Variants in KAT6A observed in about 807,000 individuals in gnomAD.
KAT6A encodes the protein lysine acetyltransferase 6A.
Under a neutral mutation model 198.4 loss-of-function variants are expected in KAT6A, and 9 were observed. The ratio of observed to expected loss-of-function variants is 0.05; its 90% confidence interval spans 0.03 to 0.08. KAT6A has a LOEUF of 0.08. Ranked by LOEUF, KAT6A falls within the 10% of genes least tolerant of loss-of-function variation. KAT6A has a pLI of 1.00. For missense variants in KAT6A, 2,077 were observed against 2,509.9 expected (o/e 0.83, Z 3.69); for synonymous variants, 890 against 883.0 (o/e 1.01, Z -0.14).
intron 2 of KAT6A, among the ~76,000 whole-genome samples, chr8:42,035,818 T>C (rs1564080248): frequency 1.3e-5 from 2 of 152,302 alleles, no homozygotes; most frequent in South Asian, 2.1e-4. Flanking sequence ...AGACAGGGTA[T>C]ACATAGAAAG....
At position 41,948,901 on chromosome 8, in the gene KAT6A, A is replaced by ACATCATCAT. The variant is rs34721456; in HGVS notation, c.1740+312_1740+320dup. On this transcript the variant is annotated intron_variant, in intron 10 of 16. Coordinates refer to ENST00000265713, the MANE Select transcript of KAT6A (RefSeq NM_006766.5). Reference sequence around the variant, plus strand: ...TAGAGAATCACAGAGCAGAGGTCACACATCATCATCATCATCATCATCATC... The same window carrying ACATCATCAT: ...TAGAGAATCACAGAGCAGAGGTCACACATCATCATCATCATCATCATCATCATCATCATC... 0.047 allele frequency among the ~76,000 whole-genome samples: 7,059 copies of ACATCATCAT among 151,152 alleles called. 216 individuals are homozygous for ACATCATCAT. Among genetic ancestry groups the ACATCATCAT allele is most frequent in the East Asian group, 0.12 (641 of 5,138 alleles).
chr8:41,941,545 T>C, intron 14 of KAT6A, 101 bp from the exon 15 acceptor site: 1 of 1,252,336 alleles, frequency 8.0e-7, no homozygotes, highest in South Asian at 1.6e-5. Context: ...AAAAGGAAAC[T>C]GAGCTTTAAA....
At position 42,048,864 on chromosome 8, in the gene KAT6A, T is replaced by A; in HGVS notation, c.114A>T (p.Ser38=). The A allele has an allele frequency of 6.2e-7, 1 of 1,614,250 alleles. No individual in the cohort carries two copies. The highest frequency in any genetic ancestry group is 8.5e-7 in the Non-Finnish European group (1 of 1,180,048). Residue 38 remains serine (S), a synonymous_variant, in exon 2 of 17, where the codon TCA becomes TCT. Coordinates refer to ENST00000265713, the MANE Select transcript of KAT6A (RefSeq NM_006766.5). ...CAGTTTTACGATCCAAGCCATGGGA[T>A]GAAGACACAGCATTGCATATCCTTT... is the stretch of plus-strand genomic sequence containing the variant. ...SEERICNAVS[S]SHGLDRKTVL... is the part of the protein sequence containing the mutation.
intron 2 of KAT6A, among the ~76,000 whole-genome samples, chr8:42,047,592 G>T (rs1313020037): frequency 1.3e-5 from 2 of 151,952 alleles, no homozygotes; most frequent in Non-Finnish European, 2.9e-5. Context: ...TCTATTTTTG[G>T]TGGACGTGGG....
chr8:41,980,780 A>ATTTAAATGTGCTTTCACTAACATT (rs1824314035), intron 5 of KAT6A, 66 bp downstream of exon 5: 1 of 1,069,536 alleles, frequency 9.3e-7, no homozygotes. Flanking sequence ...AACAAAGTAG[A>ATTTAAATGTGCTTTCACTAACATT]TAAAATGTGC....
chr8:41,972,483 T>G (rs960888683), intron 8 of KAT6A, among the ~76,000 whole-genome samples: 1 of 152,182 alleles, frequency 6.6e-6, no homozygotes, highest in Admixed American at 6.5e-5. Flanking sequence ...GCAGCACTTG[T>G]GATGAGAACT....
At chr8:42,036,347 A>C (rs1370165287) in intron 2 of KAT6A, among the ~76,000 whole-genome samples, 1 of 152,190 alleles carries the variant, frequency 6.6e-6, no homozygotes, top group Non-Finnish European at 1.5e-5. Context: ...ACGATGGCTC[A>C]TGCCTGTAAT....
At chr8:42,005,944 A>T (rs1671885806) in intron 2 of KAT6A, among the ~76,000 whole-genome samples, 1 of 152,204 alleles carries the variant, frequency 6.6e-6, no homozygotes, top group Non-Finnish European at 1.5e-5. Flanking sequence ...TGGGGGAAGA[A>T]GGTGGGGATA....
At chr8:41,962,954 A>G (rs1823284904) in intron 8 of KAT6A, among the ~76,000 whole-genome samples, 1 of 152,066 alleles carries the variant, frequency 6.6e-6, no homozygotes. Context: ...AGTTTTTGCT[A>G]AATGTCAGAG....
At chr8:41,994,551 A>C (rs1275176963) in intron 2 of KAT6A, among the ~76,000 whole-genome samples, 1 of 151,984 alleles carries the variant, frequency 6.6e-6, no homozygotes, top group East Asian at 1.9e-4. Flanking sequence ...CCTTCTCAGT[A>C]AGGCTTTTTT....
At position 41,929,801 on chromosome 8, in the gene KAT6A, A is replaced by G. The variant is rs561013203; in HGVS notation, c.*2404T>C. On this transcript the variant is annotated 3_prime_UTR_variant, in exon 17 of 17. Coordinates refer to ENST00000265713, the MANE Select transcript of KAT6A (RefSeq NM_006766.5). ...ATTCACACACGCTAGAGATCTCTTTAAAGAGAATTTATCTTTCTTAAAATA... is the reference window on the plus strand; with the variant it reads ...ATTCACACACGCTAGAGATCTCTTTGAAGAGAATTTATCTTTCTTAAAATA... 30 of 195,270 alleles carry G rather than the reference A, an allele frequency of 1.5e-4. No individual in the cohort carries two copies. Among genetic ancestry groups the G allele is most frequent in the African/African-American group, 6.0e-4 (26 of 43,306 alleles). The allele number at this position is 195,270 out of a possible 1,614,324, so 12.1% of individuals were successfully genotyped here.
intron 2 of KAT6A, among the ~76,000 whole-genome samples, chr8:42,027,520 T>C (rs1182968808): frequency 6.6e-6 from 1 of 152,214 alleles, no homozygotes; most frequent in Non-Finnish European, 1.5e-5. Flanking sequence ...GATTCAATTT[T>C]GGTAGGTTGT....
At chr8:41,972,234 C>T (rs1823830354) in intron 8 of KAT6A, among the ~76,000 whole-genome samples, 1 of 151,958 alleles carries the variant, frequency 6.6e-6, no homozygotes, top group South Asian at 2.1e-4. Context: ...CAATAGAATG[C>T]CAATTAATAA....
In KAT6A at chr8:41,942,899, G is replaced by A; in HGVS notation, c.2330C>T (p.Thr777Ile). The A allele has an allele frequency of 6.2e-7, 1 of 1,614,106 alleles. No individual in the cohort carries two copies. Among genetic ancestry groups the A allele is most frequent in the Non-Finnish European group, 8.5e-7 (1 of 1,180,020 alleles). ...CACAGAGTTGGACACTATGACTGGA[G>A]TCCAGCGCAAACATTCTGGATCTAC... ...VDVDPECLRW[T>I]PVIVSNSVVS... The change falls in exon 14 of 17, where the codon ACT (threonine) becomes ATT (isoleucine). Residue 777 changes from threonine to isoleucine, a missense_variant. Transcript: ENST00000265713.
intron 2 of KAT6A, among the ~76,000 whole-genome samples, chr8:42,019,018 C>T (rs759598554): frequency 6.6e-6 from 1 of 152,136 alleles, no homozygotes; most frequent in African/African-American, 2.4e-5. Flanking sequence ...AAATTCCTAA[C>T]CAAGAGGCAA....
intron 2 of KAT6A, among the ~76,000 whole-genome samples, chr8:42,043,952 T>C (rs1827786687): frequency 6.6e-6 from 1 of 152,228 alleles, no homozygotes; most frequent in South Asian, 2.1e-4. Flanking sequence ...TAGCTAGTTA[T>C]GTTAGAGGAT....
rs147386846 is a variant in KAT6A at position 42,045,478 on chromosome 8, C to A, written c.600+2900G>T. ...ATGGGAGGCTGAGAAGGAAGAATTG[C>A]TTGAACCTGGGCAGCGGAGGCTGCA... On this transcript the variant is annotated intron_variant, in intron 2 of 16. Transcript: ENST00000265713. Among the ~76,000 whole-genome samples the A allele has an allele frequency of 1.1e-4, 17 of 149,892 alleles. No individual in the cohort carries two copies. The East Asian group carries it at 3.4e-3, about 30-fold the overall frequency.
Position 41,937,189 on chromosome 8 carries a change from T to C in KAT6A, c.3352+67A>G, listed in dbSNP as rs78804144. ...ATTTTTCAGCCTTTTTACTGAAGGG[T>C]CTGTCACTGCTACTGCTATATATCT... On this transcript the variant is annotated intron_variant, in intron 16 of 16. Transcript: ENST00000265713. The C allele has an allele frequency of 3.2e-6, 4 of 1,243,234 alleles. No individual in the cohort carries two copies. In the African/African-American group the frequency reaches 4.5e-5, roughly 14 times the overall value. 77.0% of individuals were successfully genotyped at this position (1,243,234 alleles called of 1,614,324 possible). A position where few individuals can be genotyped will look rare whatever the true frequency, so the allele number is the denominator to read the frequency against.
chr8:41,965,151 G>T (rs1278317775), intron 8 of KAT6A, among the ~76,000 whole-genome samples: 1 of 152,200 alleles, frequency 6.6e-6, no homozygotes, highest in Non-Finnish European at 1.5e-5. Flanking sequence ...TGTGTTAATG[G>T]AAACAGGTAC....
Sources: allele counts gnomAD v4.1 joint callset (sites outside exome capture counted in the v4.1 genomes callset), GRCh38; gene constraint gnomAD v4.1.1; transcripts MANE v1.5; gene names NCBI Gene and HGNC (gene_info 2026-07-23, HGNC 2026-07-21).